Variants in OPA3 observed in about 807,000 individuals in gnomAD.
OPA3 encodes the protein optic atrophy 3 protein.
In OPA3, 6 loss-of-function variants were observed where a neutral mutation model predicts 4.0. That is an observed-to-expected ratio of 1.51 (90% CI 0.83 to 2.99). The LOEUF is 2.99. Ranked by LOEUF, OPA3 falls within the 30% of genes most tolerant of loss-of-function variation. The pLI, the probability that OPA3 is intolerant of heterozygous loss-of-function variation, is 0.00. For synonymous variants in OPA3, 105 were observed against 117.1 expected (o/e 0.90, Z 0.67); for missense variants, 235 against 256.2 (o/e 0.92, Z 0.56).
At chr19:45,561,216 C>G (rs912644319) in intron 1 of OPA3, among the ~76,000 whole-genome samples, 2 of 152,102 alleles carry the variant, frequency 1.3e-5, no homozygotes, top group African/African-American at 4.8e-5. Context: ...GCCTGTAATC[C>G]CAGCTACTCG....
At chr19:45,532,777 C>G (rs974437785) in intron 1 of OPA3, among the ~76,000 whole-genome samples, 4 of 152,110 alleles carry the variant, frequency 2.6e-5, no homozygotes, top group Non-Finnish European at 4.4e-5. Flanking sequence ...TGGGGTCTCA[C>G]TATGTTGTCC....
At position 45,547,533 on chromosome 19, in the gene OPA3, C is replaced by G. The variant is rs1390526855; in HGVS notation, c.*5981G>C. On this transcript the variant is annotated 3_prime_UTR_variant, in exon 2 of 2. Transcript: ENST00000263275. ...TTCCAGGAACAGGCCAAGGCCACAT[C>G]TGTCCTAGGACTTTCACAGATACTC... 2 of 152,460 alleles carry G rather than the reference C, an allele frequency of 1.3e-5. No homozygotes were observed. The highest frequency in any genetic ancestry group is 4.8e-5 in the African/African-American group (2 of 41,450). 9.4% of individuals were successfully genotyped at this position (152,460 alleles called of 1,614,324 possible).
At chr19:45,564,176 G>A (rs370795357) in intron 1 of OPA3, among the ~76,000 whole-genome samples, 1 of 144,800 alleles carries the variant, frequency 6.9e-6, no homozygotes, top group East Asian at 2.1e-4. Context: ...GGGGTGGGGG[G>A]GTTGGGAGGG....
chr19:45,561,662 G>C (rs1031827954), intron 1 of OPA3, among the ~76,000 whole-genome samples: 2 of 152,126 alleles, frequency 1.3e-5, no homozygotes, highest in Non-Finnish European at 2.9e-5. Flanking sequence ...CAAGGAAGTT[G>C]GCTGATAATA....
chr19:45,554,239 C>T (rs1032984453), intron 1 of OPA3, among the ~76,000 whole-genome samples: 6 of 152,172 alleles, frequency 3.9e-5, no homozygotes, highest in Non-Finnish European at 8.8e-5. Context: ...CACTGTCGCC[C>T]CACCCACTTC....
rs1402790011 is a variant in OPA3 at position 45,548,413 on chromosome 19, TTGTGAGCTGGGATGAA to T, written c.*5085_*5100del. The T allele has an allele frequency of 5.1e-6, 5 of 985,440 alleles. No homozygotes were observed. In the East Asian group the frequency reaches 5.7e-4, roughly 112 times the overall value. The allele number at this position is 985,440 out of a possible 1,614,324, so 61.0% of individuals were successfully genotyped here. ...AGCCCTCAGGGCACCTCCCAGGGTT[TTGTGAGCTGGGATGAA>T]TGGGTTTATAGTCCTGAGTCACTCC... is the stretch of plus-strand genomic sequence containing the variant. On this transcript the variant is annotated 3_prime_UTR_variant, in exon 2 of 2. Coordinates refer to ENST00000263275, the MANE Select transcript of OPA3 (RefSeq NM_025136.4).
chr19:45,564,364 A>AG (rs1969551781), intron 1 of OPA3, among the ~76,000 whole-genome samples: 1 of 152,150 alleles, frequency 6.6e-6, no homozygotes, highest in African/African-American at 2.4e-5. Flanking sequence ...AAGGAACTGG[A>AG]GACTAGGACC....
In OPA3 at chr19:45,551,738, T is replaced by A; in HGVS notation, c.*1776A>T. The stretch of plus-strand genomic sequence containing the variant: ...GCTGGCCTAATTGGTAGGATGGGGG[T>A]GGGACCGGGGGCTATGGAGGCAGGA... On this transcript the variant is annotated 3_prime_UTR_variant, in exon 2 of 2. Coordinates refer to ENST00000263275, the MANE Select transcript of OPA3 (RefSeq NM_025136.4). 1 of 985,064 alleles carries A rather than the reference T, an allele frequency of 1.0e-6. No homozygotes were observed. The highest frequency in any genetic ancestry group is 1.2e-6 in the Non-Finnish European group (1 of 829,928). The allele number at this position is 985,064 out of a possible 1,614,324, so 61.0% of individuals were successfully genotyped here.
Position 45,548,787 on chromosome 19 carries a change from G to A in OPA3, c.*4727C>T. The A allele has an allele frequency of 1.8e-6, 1 of 542,242 alleles. No homozygotes were observed. The highest frequency in any genetic ancestry group is 2.2e-6 in the Non-Finnish European group (1 of 448,550). 33.6% of individuals were successfully genotyped at this position (542,242 alleles called of 1,614,324 possible). On this transcript the variant is annotated 3_prime_UTR_variant, in exon 2 of 2. Transcript: ENST00000263275. ...GGATATTTTTCCTAAGGTTGACATG[G>A]ACCTTATTTATTTATTTATTTATTT... is the stretch of plus-strand genomic sequence containing the variant.
chr19:45,543,695 G>A (rs576043078), downstream of OPA3, among the ~76,000 whole-genome samples: 1 of 151,992 alleles, frequency 6.6e-6, no homozygotes, highest in African/African-American at 2.4e-5. Context: ...TCTAACTCCT[G>A]AGCTCAAGCA....
At position 45,553,452 on chromosome 19, in the gene OPA3, G is replaced by C. The variant is rs927539416; in HGVS notation, c.*62C>G. The C allele has an allele frequency of 1.1e-5, 17 of 1,605,932 alleles. No homozygotes were observed. The Middle Eastern group carries it at 6.6e-4, about 62-fold the overall frequency. Reference sequence around the variant, plus strand: ...GGGCCAGCGCAGGCAAGGGTGGTGCGGGAAGAAGGCCACGTTAGGTACATA... The same window carrying C: ...GGGCCAGCGCAGGCAAGGGTGGTGCCGGAAGAAGGCCACGTTAGGTACATA... On this transcript the variant is annotated 3_prime_UTR_variant, in exon 2 of 2. Transcript: ENST00000263275.
Position 45,548,458 on chromosome 19 carries a change from G to A in OPA3, c.*5056C>T, listed in dbSNP as rs1055500477. On this transcript the variant is annotated 3_prime_UTR_variant, in exon 2 of 2. Transcript: ENST00000263275. ...GTTTATAGTCCTGAGTCACTCCAGAGGGAGGATTCCGGATTCAGCCCAGCC... is the reference window on the plus strand; with the variant it reads ...GTTTATAGTCCTGAGTCACTCCAGAAGGAGGATTCCGGATTCAGCCCAGCC... 1.0e-6 allele frequency: 1 copy of A among 985,472 alleles called. No individual in the cohort carries two copies. The highest frequency in any genetic ancestry group is 1.2e-6 in the Non-Finnish European group (1 of 829,962). 61.0% of individuals were successfully genotyped at this position (985,472 alleles called of 1,614,324 possible).
At chr19:45,545,710 C>CT (rs991429583), downstream of OPA3, among the ~76,000 whole-genome samples, 1,552 of 129,498 alleles carry the variant, frequency 0.012, 14 homozygotes, top group African/African-American at 0.015. Context: ...ACATGCTTTT[C>CT]TTTTTTTTTT....
intron 1 of OPA3, among the ~76,000 whole-genome samples, chr19:45,554,295 G>T (rs1433781833): frequency 6.6e-6 from 1 of 152,178 alleles, no homozygotes; most frequent in Non-Finnish European, 1.5e-5. Context: ...TTCCCAAAAT[G>T]CAAAGTTGGG....
chr19:45,563,020 C>G (rs963735571), intron 1 of OPA3, among the ~76,000 whole-genome samples: 1 of 152,106 alleles, frequency 6.6e-6, no homozygotes, highest in Non-Finnish European at 1.5e-5. Context: ...ACCTTCTCAC[C>G]CATTTGCTGG....
At chr19:45,575,172 T>A (rs1969748322) in intron 1 of OPA3, among the ~76,000 whole-genome samples, 1 of 151,554 alleles carries the variant, frequency 6.6e-6, no homozygotes, top group Non-Finnish European at 1.5e-5. Flanking sequence ...ACGATCTCGG[T>A]TCACTGCAGC....
At chr19:45,529,603 A>G in intron 1 of OPA3, 1 of 946,084 alleles carries the variant, frequency 1.1e-6, no homozygotes. Context: ...TAACGAAGAC[A>G]AGTGCAGGCC....
At chr19:45,555,881 C>T (rs1599967472) in intron 1 of OPA3, among the ~76,000 whole-genome samples, 1 of 152,100 alleles carries the variant, frequency 6.6e-6, no homozygotes, top group South Asian at 2.1e-4. Context: ...ATCTGGCTGC[C>T]TCGGCCTCCC....
chr19:45,570,988 G>C (rs1379197971), intron 1 of OPA3, among the ~76,000 whole-genome samples: 2 of 125,312 alleles, frequency 1.6e-5, no homozygotes, highest in East Asian at 5.5e-4. Flanking sequence ...TGGGGGGGGG[G>C]GGCATGAATA....
Sources: allele counts gnomAD v4.1 joint callset (sites outside exome capture counted in the v4.1 genomes callset), GRCh38; gene constraint gnomAD v4.1.1; transcripts MANE v1.5; gene names NCBI Gene and HGNC (gene_info 2026-07-23, HGNC 2026-07-21).